Variants in RIMBP2 observed in about 807,000 individuals in gnomAD.
The protein encoded by RIMBP2 is RIMS binding protein 2, also known as RIMS-binding protein 2.
Under a neutral mutation model 118.6 loss-of-function variants are expected in RIMBP2, and 48 were observed. The ratio of observed to expected loss-of-function variants is 0.40; its 90% CI spans 0.32 to 0.51. The LOEUF is 0.51. Ranked by LOEUF, RIMBP2 falls within the 20% of genes least tolerant of loss-of-function variation. The pLI, the probability that RIMBP2 is intolerant of heterozygous loss-of-function variation, is 0.41. For missense variants in RIMBP2, 1,551 were observed against 1,768.3 expected (o/e 0.88, Z 2.20); for synonymous variants, 762 against 742.9 (o/e 1.03, Z -0.42).
chr12:130,478,844 A>G, intron 5 of RIMBP2, 68 bp downstream of exon 5: 1 of 1,205,254 alleles, frequency 8.3e-7, no homozygotes, highest in East Asian at 2.4e-5. Flanking sequence ...GCTCCACCAC[A>G]CCAGGGATCC....
intron 1 of RIMBP2, among the ~76,000 whole-genome samples, chr12:130,630,444 T>C (rs2061924935): frequency 6.6e-6 from 1 of 152,138 alleles, no homozygotes; most frequent in South Asian, 2.1e-4. Flanking sequence ...TCAGTAGACC[T>C]TCATGTTGAC....
At chr12:130,399,652 T>C (rs2074341821) in intron 22 of RIMBP2, 27 bp downstream of exon 22, 2 of 1,613,232 alleles carry the variant, frequency 1.2e-6, no homozygotes, top group Non-Finnish European at 1.7e-6. Flanking sequence ...GGGACAGAGA[T>C]TAAAAAGGCT....
At chr12:130,497,754 T>C (rs1266213830) in intron 4 of RIMBP2, among the ~76,000 whole-genome samples, 1 of 152,220 alleles carries the variant, frequency 6.6e-6, no homozygotes, top group East Asian at 1.9e-4. Context: ...AAAAAGCATT[T>C]TGTTTATTTT....
At chr12:130,410,891 A>G (rs561682319) in intron 19 of RIMBP2, among the ~76,000 whole-genome samples, 2 of 152,304 alleles carry the variant, frequency 1.3e-5, no homozygotes, top group East Asian at 3.9e-4. Context: ...TTGATTCTAC[A>G]TAAATCCCAG....
At chr12:130,502,733 G>A (rs902328200) in intron 4 of RIMBP2, among the ~76,000 whole-genome samples, 5 of 152,326 alleles carry the variant, frequency 3.3e-5, no homozygotes, top group African/African-American at 9.6e-5. Flanking sequence ...GCAGTTGAAT[G>A]TTGAGGTCTA....
chr12:130,714,866 GGAC>G (rs1375370803), intron 1 of RIMBP2, among the ~76,000 whole-genome samples: 1 of 152,138 alleles, frequency 6.6e-6, no homozygotes, highest in Non-Finnish European at 1.5e-5. Flanking sequence ...GCTGATTCCC[GGAC>G]AGCCCAGCAA....
At position 130,622,691 on chromosome 12, in the gene RIMBP2, G is replaced by C. The variant is rs1395448357; in HGVS notation, c.-217+5631C>G. 4.6e-5 allele frequency among the ~76,000 whole-genome samples: 7 copies of C among 152,140 alleles called. No individual in the cohort carries two copies. Among genetic ancestry groups the C allele is most frequent in the South Asian group, 4.2e-4 (2 of 4,812 alleles). On this transcript the variant is annotated intron_variant, in intron 2 of 22. Transcript: ENST00000690449. The surrounding 1 kb of genome is among the most constrained non-coding windows in gnomAD (Gnocchi z 8.5). ...ATAACTACATGACCATAGCTAGCTA[G>C]GGTTTGTTGATTGTTTTTGTCTATT...
intron 1 of RIMBP2, among the ~76,000 whole-genome samples, chr12:130,665,378 A>G (rs2063872067): frequency 6.6e-6 from 1 of 151,490 alleles, no homozygotes; most frequent in African/African-American, 2.4e-5. Context: ...TACAAAATTT[A>G]GCCAGGCACA....
rs1451236645 is a variant in RIMBP2 at position 130,442,448 on chromosome 12, G to A, written c.904C>T (p.Leu302=). Residue 302 remains leucine (L), a synonymous_variant, in exon 11 of 23, where the codon CTG becomes TTG. Transcript: ENST00000690449. The surrounding 1 kb of genome is among the most constrained non-coding windows in gnomAD (Gnocchi z 6.9). The part of the protein sequence containing the change: ...AGITDNSAGT[L]DVNIDDIGED... ...CCGATGTCGTCGATGTTCACGTCCA[G>A]GGTCCCGGCACTGTTGTCGGTGATG... 1 of 1,614,176 alleles carries A rather than the reference G, an allele frequency of 6.2e-7. No homozygotes were observed. The highest frequency in any genetic ancestry group is 8.5e-7 in the Non-Finnish European group (1 of 1,180,032).
chr12:130,403,477 C>A (rs573135141), intron 21 of RIMBP2, among the ~76,000 whole-genome samples: 3 of 152,276 alleles, frequency 2.0e-5, no homozygotes, highest in Admixed American at 6.5e-5. Context: ...ATTGTTTCTA[C>A]ATGTGAAAAT....
At chr12:130,559,841 C>G (rs550352166) in intron 2 of RIMBP2, among the ~76,000 whole-genome samples, 1 of 152,212 alleles carries the variant, frequency 6.6e-6, no homozygotes, top group Non-Finnish European at 1.5e-5. Context: ...CAGATGACCT[C>G]GAGCAAGCTA....
chr12:130,690,644 C>T (rs1393056146), intron 1 of RIMBP2, among the ~76,000 whole-genome samples: 2 of 152,188 alleles, frequency 1.3e-5, no homozygotes, highest in Non-Finnish European at 2.9e-5. Context: ...AATAACTGTA[C>T]TATTTTAGCA....
chr12:130,664,352 TGCACACACATATGCACGTGCATGCAC>T, intron 1 of RIMBP2, among the ~76,000 whole-genome samples: 1 of 143,584 alleles, frequency 7.0e-6, no homozygotes, highest in South Asian at 2.2e-4. Context: ...CACACACACA[TGCACACACATATGCACGTGCATGCAC>T]GCACGCGCAT....
At chr12:130,639,185 C>T (rs998000378) in intron 1 of RIMBP2, among the ~76,000 whole-genome samples, 5 of 149,544 alleles carry the variant, frequency 3.3e-5, no homozygotes, top group Non-Finnish European at 4.4e-5. Flanking sequence ...GTCAGGAGTT[C>T]GAGACCAGCC....
intron 2 of RIMBP2, among the ~76,000 whole-genome samples, chr12:130,529,847 A>G (rs749825158): frequency 2.1e-4 from 32 of 152,054 alleles, no homozygotes; most frequent in Non-Finnish European, 4.4e-5. Flanking sequence ...GATCCCTCAC[A>G]TGTGCAGTTC....
intron 4 of RIMBP2, among the ~76,000 whole-genome samples, chr12:130,505,895 C>T (rs1248212340): frequency 1.1e-5 from 1 of 93,328 alleles, no homozygotes; most frequent in Non-Finnish European, 2.0e-5. Flanking sequence ...CCAAACGCTT[C>T]CCCAAAGAGG....
At chr12:130,521,491 G>A (rs1304045472) in intron 2 of RIMBP2, among the ~76,000 whole-genome samples, 1 of 152,182 alleles carries the variant, frequency 6.6e-6, no homozygotes, top group Non-Finnish European at 1.5e-5. Context: ...ACAGCCTAGG[G>A]GGAGGCACCA....
intron 5 of RIMBP2, 42 bp from the exon 6 acceptor site, chr12:130,470,785 G>A: frequency 8.7e-7 from 1 of 1,153,408 alleles, no homozygotes. Context: ...AATGTCCAAA[G>A]GGGAAAGAAG....
chr12:130,666,946 G>A (rs563353230), intron 1 of RIMBP2, among the ~76,000 whole-genome samples: 195 of 136,970 alleles, frequency 1.4e-3, no homozygotes, highest in Non-Finnish European at 2.0e-3. Context: ...AAAAAGGGAG[G>A]GAGGAAAGGA....
Sources: gnomAD v4.1 joint callset for allele counts (sites outside exome capture counted in the v4.1 genomes callset) on GRCh38, gnomAD v4.1.1 for gene constraint, Gnocchi (gnomAD v3.1) non-coding constraint, MANE v1.5 for transcripts, NCBI Gene and HGNC (gene_info 2026-07-23, HGNC 2026-07-21) for gene names.